The following ARGLU1 variants were observed in gnomAD, a reference collection of about 807,000 sequenced individuals.
ARGLU1 encodes arginine and glutamate-rich protein 1.
Under a neutral mutation model 37.6 loss-of-function variants are expected in ARGLU1, and 9 were observed. That is an observed-to-expected ratio of 0.24 (90% CI 0.14 to 0.42). The LOEUF (loss-of-function observed/expected upper bound fraction) is 0.42, where lower values mean the gene tolerates loss of function less well. Among genes scored for constraint, ARGLU1 ranks in the 10% least tolerant of loss-of-function variants. The pLI is 1.00. For missense variants in ARGLU1, 211 were observed against 359.2 expected (o/e 0.59, Z 3.34); for synonymous variants, 166 against 138.5 (o/e 1.20, Z -1.39).
intron 1 of ARGLU1, 81 bp from the exon 2 acceptor site, chr13:106,559,738 CA>C (rs1335149029): frequency 9.8e-6 from 14 of 1,427,872 alleles, no homozygotes; most frequent in African/African-American, 1.4e-5. Flanking sequence ...TTAAGTCTAT[CA>C]AGCCATTGAG....
intron 3 of ARGLU1, among the ~76,000 whole-genome samples, chr13:106,555,127 G>A (rs1880630513): frequency 6.6e-6 from 1 of 152,028 alleles, no homozygotes; most frequent in Non-Finnish European, 1.5e-5. Flanking sequence ...GGAAGCCAAG[G>A]CGGGTGGATC....
chr13:106,566,320 C>CTG (rs140158376), intron 1 of ARGLU1, among the ~76,000 whole-genome samples: 2 of 152,122 alleles, frequency 1.3e-5, no homozygotes, highest in African/African-American at 4.8e-5. Flanking sequence ...TAGAAACAAG[C>CTG]TGTGTGTGTG....
At chr13:106,553,853 G>T (rs1174804900) in intron 3 of ARGLU1, among the ~76,000 whole-genome samples, 1 of 152,100 alleles carries the variant, frequency 6.6e-6, no homozygotes, top group African/African-American at 2.4e-5. Flanking sequence ...TTATCAACTT[G>T]TCTTTTCTAT....
chr13:106,567,092 G>A lies in ARGLU1; in HGVS notation c.347+481C>T, dbSNP rs1212784944. On this transcript the variant is annotated intron_variant, in intron 1 of 3. Coordinates refer to ENST00000400198, the MANE Select transcript of ARGLU1 (RefSeq NM_018011.4). This position sits in a 1 kb window ranked among gnomAD's most constrained non-coding sequence, Gnocchi z 4.3. ...TGATTCCCGAGATTAGTTAAGTCCT[G>A]TCCCAAATTTGAGCTTCAATAGAAT... Among the ~76,000 whole-genome samples, 1 of 152,064 alleles carries A rather than the reference G, an allele frequency of 6.6e-6. No individual in the cohort carries two copies. Among genetic ancestry groups the A allele is most frequent in the Non-Finnish European group, 1.5e-5 (1 of 68,014 alleles).
At position 106,541,827 on chromosome 13, in the gene ARGLU1, T is replaced by G. The variant is rs1269928102; in HGVS notation, c.*2169A>C. On this transcript the variant is annotated 3_prime_UTR_variant, in exon 4 of 4. Coordinates refer to ENST00000400198, the MANE Select transcript of ARGLU1 (RefSeq NM_018011.4). ...AAATTGTGAATAAAGGCATATTTAA[T>G]AAATTAGGGAACATCTTAACTTCTA... The G allele has an allele frequency of 6.6e-6, 1 of 152,196 alleles. No individual in the cohort carries two copies. Among genetic ancestry groups the G allele is most frequent in the African/African-American group, 2.4e-5 (1 of 41,452 alleles). 9.4% of individuals were successfully genotyped at this position (152,196 alleles called of 1,614,324 possible).
intron 3 of ARGLU1, among the ~76,000 whole-genome samples, chr13:106,555,920 T>G (rs1442320963): frequency 6.6e-6 from 1 of 152,214 alleles, no homozygotes; most frequent in Non-Finnish European, 1.5e-5. Context: ...GTGATTTAAC[T>G]GTCAACCATA....
chr13:106,545,722 T>C (rs1880370159), intron 3 of ARGLU1, among the ~76,000 whole-genome samples: 1 of 152,126 alleles, frequency 6.6e-6, no homozygotes, highest in African/African-American at 2.4e-5. Flanking sequence ...TAGACAGCAA[T>C]GTGACGTAGA....
chr13:106,556,807 G>T (rs2138971410), intron 3 of ARGLU1, among the ~76,000 whole-genome samples: 1 of 152,240 alleles, frequency 6.6e-6, no homozygotes, highest in East Asian at 1.9e-4. Flanking sequence ...TGGGGATAGA[G>T]AACAAAATAA....
chr13:106,567,480 T>C lies in ARGLU1; in HGVS notation c.347+93A>G. On this transcript the variant is annotated intron_variant, in intron 1 of 3. Coordinates refer to ENST00000400198, the MANE Select transcript of ARGLU1 (RefSeq NM_018011.4). This position sits in a 1 kb window ranked among gnomAD's most constrained non-coding sequence, Gnocchi z 4.3. ...CCCAGCCCCGGACCGTCCCCGCCAT[T>C]CTCCCGGCCCGCACCGTCCCGCCCC... 1 of 898,308 alleles carries C rather than the reference T, an allele frequency of 1.1e-6. No homozygotes were observed. The highest frequency in any genetic ancestry group is 1.7e-6 in the Non-Finnish European group (1 of 601,334). 55.6% of individuals were successfully genotyped at this position (898,308 alleles called of 1,614,324 possible). A position where few individuals can be genotyped will look rare whatever the true frequency, so the allele number is the denominator to read the frequency against.
At chr13:106,554,949 T>C (rs544208044) in intron 3 of ARGLU1, among the ~76,000 whole-genome samples, 1 of 152,204 alleles carries the variant, frequency 6.6e-6, no homozygotes, top group Non-Finnish European at 1.5e-5. Context: ...TATTGAACAC[T>C]ATAAGCAAAC....
chr13:106,568,000 T>C lies in ARGLU1; in HGVS notation c.-81A>G. ...CTCGCCTCCGCCTTCGGACGCGGGC[T>C]GGCGGTTCTACCGAGGCCGGAGGAA... On this transcript the variant is annotated 5_prime_UTR_variant, in exon 1 of 4. Transcript: ENST00000400198. This position sits in a 1 kb window ranked among gnomAD's most constrained non-coding sequence, Gnocchi z 4.3. 1.3e-6 allele frequency: 2 copies of C among 1,505,146 alleles called. No individual in the cohort carries two copies. The highest frequency in any genetic ancestry group is 2.5e-5 in the South Asian group (2 of 79,672). 93.2% of individuals were successfully genotyped at this position (1,505,146 alleles called of 1,614,324 possible). A position where few individuals can be genotyped will look rare whatever the true frequency, so the allele number is the denominator to read the frequency against.
chr13:106,564,157 A>C (rs1880892557), intron 1 of ARGLU1, among the ~76,000 whole-genome samples: 1 of 152,178 alleles, frequency 6.6e-6, no homozygotes, highest in African/African-American at 2.4e-5. Flanking sequence ...TTGAGGGCAA[A>C]AGTCTTTAAA....
intron 3 of ARGLU1, among the ~76,000 whole-genome samples, chr13:106,549,522 G>A (rs190686951): frequency 1.3e-5 from 2 of 152,246 alleles, no homozygotes; most frequent in Admixed American, 1.3e-4. Context: ...TTTTTCTGAG[G>A]TATTCCATGT....
At chr13:106,566,554 G>A (rs115521517) in intron 1 of ARGLU1, among the ~76,000 whole-genome samples, 1,834 of 152,268 alleles carry the variant, frequency 0.012, 33 homozygotes, top group African/African-American at 0.041. Flanking sequence ...TTTGGAAACT[G>A]AATACCCAGA....
intron 3 of ARGLU1, among the ~76,000 whole-genome samples, chr13:106,554,841 C>T (rs1004727248): frequency 6.0e-5 from 9 of 151,004 alleles, no homozygotes; most frequent in Non-Finnish European, 1.0e-4. Context: ...GCCGAGACTC[C>T]GCCACTGCAC....
chr13:106,542,292 A>T lies in ARGLU1; in HGVS notation c.*1704T>A, dbSNP rs1217687208. 1 of 151,956 alleles carries T rather than the reference A, an allele frequency of 6.6e-6. No homozygotes were observed. Among genetic ancestry groups the T allele is most frequent in the Admixed American group, 6.6e-5 (1 of 15,262 alleles). The allele number at this position is 151,956 out of a possible 1,614,324, so 9.4% of individuals were successfully genotyped here. A position where few individuals can be genotyped will look rare whatever the true frequency, so the allele number is the denominator to read the frequency against. On this transcript the variant is annotated 3_prime_UTR_variant, in exon 4 of 4. Coordinates refer to ENST00000400198, the MANE Select transcript of ARGLU1 (RefSeq NM_018011.4). ...TAGGAACCATGAATCTTCACCAAAA[A>T]AAGTTACATTGAAAAAAAAAAAAAT...
chr13:106,559,054 G>A, intron 2 of ARGLU1: 1 of 1,205,048 alleles, frequency 8.3e-7, no homozygotes, highest in Middle Eastern at 3.8e-4. Context: ...GTAACAGAGT[G>A]ACAGAATAGA....
rs528326402 is a variant in ARGLU1 at position 106,547,916 on chromosome 13, TTTAGA to T, written c.658-3761_658-3757del. Among the ~76,000 whole-genome samples, 104 of 152,280 alleles carry T rather than the reference TTTAGA, an allele frequency of 6.8e-4. 1 individual carries two copies. The highest frequency in any genetic ancestry group is 3.4e-3 in the Middle Eastern group (1 of 294). ...TTCAGATAAAATACTAATTCTGCAC[TTTAGA>T]TTGGGTAAAGAATCAAGTTTCTTCA... is the stretch of plus-strand genomic sequence containing the variant. On this transcript the variant is annotated intron_variant, in intron 3 of 3. Transcript: ENST00000400198.
chr13:106,559,149 G>C, intron 2 of ARGLU1: 1 of 1,362,018 alleles, frequency 7.3e-7, no homozygotes. Context: ...AAGAATGTAA[G>C]TCCTGCAGCC....
Sources: gnomAD v4.1 joint callset for allele counts (sites outside exome capture counted in the v4.1 genomes callset) on GRCh38, gnomAD v4.1.1 for gene constraint, Gnocchi (gnomAD v3.1) non-coding constraint, MANE v1.5 for transcripts, NCBI Gene and HGNC (gene_info 2026-07-23, HGNC 2026-07-21) for gene names.